Variants in WNT2 observed in about 807,000 individuals in gnomAD.
WNT2 encodes Wnt family member 2, also known as protein Wnt-2.
WNT2 carries 12 observed loss-of-function variants against 36.9 expected under a neutral mutation model. That is an observed-to-expected ratio of 0.33 (90% CI 0.21 to 0.53). The LOEUF is 0.53. Ranked by LOEUF, WNT2 falls within the 20% of genes least tolerant of loss-of-function variation. WNT2 has a pLI of 0.95. For missense variants in WNT2, 379 were observed against 473.1 expected, an observed-to-expected ratio of 0.80 and a Z score of 1.84; for synonymous variants, 163 against 174.6, an observed-to-expected ratio of 0.93 and a Z score of 0.52.
intron 3 of WNT2, chr7:117,300,799 A>G (rs1341994039): frequency 6.6e-6 from 1 of 152,246 alleles, no homozygotes; most frequent in Admixed American, 6.5e-5. Flanking sequence ...ACCTTGTCTC[A>G]AAAATAACAT....
intron 3 of WNT2, among the ~76,000 whole-genome samples, chr7:117,310,790 C>T (rs980713285): frequency 1.3e-5 from 2 of 152,086 alleles, no homozygotes; most frequent in African/African-American, 4.8e-5. Context: ...ATATCTCAAC[C>T]ATGGGAAATC....
chr7:117,291,535 C>G (rs746266168), intron 4 of WNT2, among the ~76,000 whole-genome samples: 4 of 152,114 alleles, frequency 2.6e-5, no homozygotes, highest in Non-Finnish European at 4.4e-5. Flanking sequence ...ATAGAGCCAC[C>G]AGGATACTCA....
intron 2 of WNT2, among the ~76,000 whole-genome samples, chr7:117,316,403 G>A (rs1795218969): frequency 6.6e-6 from 1 of 152,110 alleles, no homozygotes; most frequent in Admixed American, 6.6e-5. Flanking sequence ...TTTATTAATG[G>A]TTGCTGCGGC....
In WNT2 at chr7:117,315,060, C is replaced by T. The variant is rs1005359384; in HGVS notation, c.588+11G>A. The T allele has an allele frequency of 1.9e-6, 3 of 1,613,000 alleles. No homozygotes were observed. In the East Asian group the frequency reaches 6.7e-5, roughly 36 times the overall value. ...GCAGCCTACAAAATGAGCACCGTTG[C>T]ATTTCCATACCTTCCTGCCAGCTCT... On this transcript the variant is annotated intron_variant, in intron 3 of 4. Coordinates refer to ENST00000265441, the MANE Select transcript of WNT2 (RefSeq NM_003391.3).
chr7:117,280,397 A>G (rs1318387053), intron 4 of WNT2, among the ~76,000 whole-genome samples: 1 of 152,222 alleles, frequency 6.6e-6, no homozygotes, highest in Non-Finnish European at 1.5e-5. Context: ...ACACTGTGCC[A>G]GCTGCTTGGG....
At chr7:117,282,434 G>A (rs541640809) in intron 4 of WNT2, among the ~76,000 whole-genome samples, 2 of 150,528 alleles carry the variant, frequency 1.3e-5, no homozygotes, top group African/African-American at 4.9e-5. Flanking sequence ...GAAGAGAAGA[G>A]GAAGAGGAGA....
intron 3 of WNT2, among the ~76,000 whole-genome samples, chr7:117,303,129 G>T (rs979575174): frequency 1.3e-5 from 2 of 152,138 alleles, no homozygotes; most frequent in Non-Finnish European, 2.9e-5. Context: ...GAAGGTACTT[G>T]TGGTTCCTCA....
At chr7:117,281,920 G>C (rs924198675) in intron 4 of WNT2, among the ~76,000 whole-genome samples, 6 of 152,210 alleles carry the variant, frequency 3.9e-5, no homozygotes, top group African/African-American at 1.4e-4. Flanking sequence ...CATGGGGACA[G>C]TGAGTGTAGG....
At chr7:117,316,248 G>A (rs1795215319) in intron 2 of WNT2, among the ~76,000 whole-genome samples, 1 of 152,158 alleles carries the variant, frequency 6.6e-6, no homozygotes, top group Non-Finnish European at 1.5e-5. Flanking sequence ...ATATTTCAGT[G>A]CAATAACTAC....
Position 117,284,625 on chromosome 7 carries a change from C to A in WNT2, c.854-6241G>T, listed in dbSNP as rs909525626. Among the ~76,000 whole-genome samples, 1 of 152,202 alleles carries A rather than the reference C, an allele frequency of 6.6e-6. No individual in the cohort carries two copies. Among genetic ancestry groups the A allele is most frequent in the Admixed American group, 6.5e-5 (1 of 15,280 alleles). ...GAGTGAAAGTTCATTCATCCTTTCT[C>A]ACTTTTTTTTCCCATTCCTTCTTCT... On this transcript the variant is annotated intron_variant, in intron 4 of 4. Transcript: ENST00000265441. This position sits in a 1 kb window ranked among gnomAD's most constrained non-coding sequence, Gnocchi z 5.2.
intron 4 of WNT2, among the ~76,000 whole-genome samples, chr7:117,283,635 G>A (rs1359194146): frequency 6.6e-6 from 1 of 152,218 alleles, no homozygotes. Context: ...CAGACTGTCT[G>A]AACAGAAGGA....
intron 3 of WNT2, among the ~76,000 whole-genome samples, chr7:117,301,877 G>A (rs1479294217): frequency 9.2e-5 from 13 of 141,990 alleles, no homozygotes; most frequent in African/African-American, 3.5e-4. Context: ...GTGTGATCTC[G>A]GCTCACTGCC....
intron 3 of WNT2, among the ~76,000 whole-genome samples, chr7:117,300,343 C>T (rs578031320): frequency 2.6e-5 from 4 of 152,206 alleles, no homozygotes; most frequent in South Asian, 2.1e-4. Context: ...CGGGTCACCA[C>T]GCCTGGCTAA....
At chr7:117,315,828 A>G (rs759306992) in intron 2 of WNT2, among the ~76,000 whole-genome samples, 4 of 152,244 alleles carry the variant, frequency 2.6e-5, no homozygotes, top group Non-Finnish European at 5.9e-5. Flanking sequence ...CTTACTGAAG[A>G]TACTCATATG....
intron 2 of WNT2, among the ~76,000 whole-genome samples, chr7:117,318,910 G>A (rs1043718303): frequency 6.6e-6 from 1 of 152,188 alleles, no homozygotes; most frequent in African/African-American, 2.4e-5. Flanking sequence ...CCCCAGCTTT[G>A]ATGGATATAT....
chr7:117,322,442 G>T lies in WNT2; in HGVS notation c.83+465C>A, dbSNP rs1014684634. ...ACACGCTTTAGGTTCTACAACTCCT[G>T]ACTGGCTGAATTGGCCCGTCGATTT... On this transcript the variant is annotated intron_variant, in intron 1 of 4. Coordinates refer to ENST00000265441, the MANE Select transcript of WNT2 (RefSeq NM_003391.3). This position sits in a 1 kb window ranked among gnomAD's most constrained non-coding sequence, Gnocchi z 5.4. Among the ~76,000 whole-genome samples, 46 of 151,488 alleles carry T rather than the reference G, an allele frequency of 3.0e-4. No individual in the cohort carries two copies. The highest frequency in any genetic ancestry group is 1.1e-3 in the African/African-American group (44 of 41,206).
At position 117,315,231 on chromosome 7, in the gene WNT2, C is replaced by T. The variant is rs1462264844; in HGVS notation, c.428G>A (p.Gly143Glu). ...AATGCCTTTGCTGTCCTTGGCGCTT[C>T]CCATCTTCTTTGGATCACAGGAACA... ...KSCSCDPKKM[G>E]SAKDSKGIFD... Residue 143 changes from glycine to glutamate, a missense_variant, in exon 3 of 5, where the codon GGA becomes GAA. By Grantham distance (98) the Gly-to-Glu change is moderately conservative. Coordinates refer to ENST00000265441, the MANE Select transcript of WNT2 (RefSeq NM_003391.3). 1 of 1,614,202 alleles carries T rather than the reference C, an allele frequency of 6.2e-7. No homozygotes were observed.
rs556225464 is a variant in WNT2 at position 117,296,610 on chromosome 7, C to T, written c.853+1002G>A. On this transcript the variant is annotated intron_variant, in intron 4 of 4. Coordinates refer to ENST00000265441, the MANE Select transcript of WNT2 (RefSeq NM_003391.3). The stretch of plus-strand genomic sequence containing the variant: ...TCCCATCACCTCCTATGAATTTAGA[C>T]TTGTACTCATTCTTATTTTGCACTA... Among the ~76,000 whole-genome samples, 101 of 152,238 alleles carry T rather than the reference C, an allele frequency of 6.6e-4. 1 individual carries two copies. The highest frequency in any genetic ancestry group is 2.3e-3 in the African/African-American group (94 of 41,542).
Position 117,297,630 on chromosome 7 carries a change from T to C in WNT2, c.835A>G (p.Ile279Val), listed in dbSNP as rs1794818667. ...VYFENSPDYC[I>V]RDREAGSLGT... ...AACTTACCTGCCTCTCGGTCCCTGA[T>C]ACAGTAGTCTGGAGAATTCTCAAAA... Residue 279 changes from isoleucine to valine, a missense_variant, in exon 4 of 5, where the codon ATC (isoleucine) becomes GTC (valine). Ile to Val is a conservative substitution (Grantham distance 29, BLOSUM62 3). Transcript: ENST00000265441. 6 of 1,612,776 alleles carry C rather than the reference T, an allele frequency of 3.7e-6. No homozygotes were observed. In the East Asian group the frequency reaches 8.9e-5, roughly 24 times the overall value.
Sources: gnomAD v4.1 joint callset for allele counts (sites outside exome capture counted in the v4.1 genomes callset) on GRCh38, gnomAD v4.1.1 for gene constraint, Gnocchi (gnomAD v3.1) non-coding constraint, MANE v1.5 for transcripts, NCBI Gene and HGNC (gene_info 2026-07-23, HGNC 2026-07-21) for gene names.